RSBN1L: variants seen among roughly 807,000 people sequenced by gnomAD.
RSBN1L encodes round spermatid basic protein 1 like, also known as lysine-specific demethylase RSBN1L.
In RSBN1L, 30 loss-of-function variants were observed where a neutral mutation model predicts 67.7. That is an observed-to-expected ratio of 0.44 (90% CI 0.33 to 0.60). The LOEUF (loss-of-function observed/expected upper bound fraction) is 0.60, where lower values mean the gene tolerates loss of function less well. Ranked by LOEUF, RSBN1L falls within the 20% of genes least tolerant of loss-of-function variation. The pLI, the probability that RSBN1L is intolerant of heterozygous loss-of-function variation, is 0.02. For synonymous variants in RSBN1L, 433 were observed against 387.0 expected, an observed-to-expected ratio of 1.12 and a Z score of -1.39; for missense variants, 992 against 1,031.7, an observed-to-expected ratio of 0.96 and a Z score of 0.53.
Position 77,765,485 on chromosome 7 carries a change from G to GTTTCT in RSBN1L, c.1345-8_1345-4dup. 1 of 1,521,132 alleles carries GTTTCT rather than the reference G, an allele frequency of 6.6e-7. No individual in the cohort carries two copies. The highest frequency in any genetic ancestry group is 8.9e-7 in the Non-Finnish European group (1 of 1,129,156). The allele number at this position is 1,521,132 out of a possible 1,614,324, so 94.2% of individuals were successfully genotyped here. ...GTATTTAACTTTTAATTAAATCCAT[G>GTTTCT]TTTCTTCAGGTAAAAAGAACGTATT... On this transcript the variant is annotated splice_polypyrimidine_tract_variant and intron_variant, in intron 3 of 7. Coordinates refer to ENST00000334955, the MANE Select transcript of RSBN1L (RefSeq NM_198467.3).
Position 77,749,620 on chromosome 7 carries a change from A to G in RSBN1L, c.900A>G (p.Ile300Met), listed in dbSNP as rs1323812082. Residue 300 changes from isoleucine (I) to methionine (M), a missense_variant, in exon 3 of 8, where the codon ATA (isoleucine) becomes ATG (methionine). By Grantham distance (10) the Ile-to-Met change is conservative. Around this residue, in one of 7 missense-constraint regions of RSBN1L, gnomAD observed 575 missense variants for 483.2 expected, o/e 1.19. Coordinates refer to ENST00000334955, the MANE Select transcript of RSBN1L (RefSeq NM_198467.3). ...CCAAAGGCATCCTAAATGATAACAT[A>G]AAAGATTACGTTGGGAAGAATTTGG... ...QAAKGILNDN[I>M]KDYVGKNLDT... 1 of 1,614,072 alleles carries G rather than the reference A, an allele frequency of 6.2e-7. No homozygotes were observed. Among genetic ancestry groups the G allele is most frequent in the South Asian group, 1.1e-5 (1 of 91,050 alleles).
At chr7:77,700,360 G>T (rs2150410657) in intron 1 of RSBN1L, among the ~76,000 whole-genome samples, 1 of 152,264 alleles carries the variant, frequency 6.6e-6, no homozygotes, top group East Asian at 1.9e-4. Context: ...ACTTTTGTTA[G>T]TACTTTTGCT....
At chr7:77,701,753 G>A (rs971260658) in intron 1 of RSBN1L, among the ~76,000 whole-genome samples, 2 of 151,006 alleles carry the variant, frequency 1.3e-5, no homozygotes, top group African/African-American at 2.4e-5. Flanking sequence ...CTGGGTTCAA[G>A]CAATTCTCCT....
At chr7:77,769,978 C>T (rs1203563695) in intron 5 of RSBN1L, among the ~76,000 whole-genome samples, 1 of 152,136 alleles carries the variant, frequency 6.6e-6, no homozygotes, top group Admixed American at 6.5e-5. Context: ...GGAATAAAAA[C>T]ACGAAAGGTA....
At chr7:77,739,710 GGA>G (rs1791382513) in intron 2 of RSBN1L, among the ~76,000 whole-genome samples, 1 of 45,332 alleles carries the variant, frequency 2.2e-5, no homozygotes, top group Admixed American at 2.5e-4. Flanking sequence ...CTTGGTCTCA[GGA>G]AAAAAAAAAA....
intron 1 of RSBN1L, among the ~76,000 whole-genome samples, chr7:77,735,064 A>C (rs1157700938): frequency 6.6e-6 from 1 of 151,948 alleles, no homozygotes; most frequent in Non-Finnish European, 1.5e-5. Context: ...GAAAAAAAAA[A>C]ACAAAAAACA....
chr7:77,722,404 T>C (rs1032785785), intron 1 of RSBN1L, among the ~76,000 whole-genome samples: 3 of 152,102 alleles, frequency 2.0e-5, no homozygotes, highest in Non-Finnish European at 4.4e-5. Context: ...GGTAGGATAG[T>C]ACAGTTTCAG....
At chr7:77,749,022 G>A (rs372843603) in intron 2 of RSBN1L, among the ~76,000 whole-genome samples, 3 of 152,102 alleles carry the variant, frequency 2.0e-5, no homozygotes, top group South Asian at 2.1e-4. Context: ...TCGGGAGGCC[G>A]AAGCGGGCAG....
At chr7:77,760,630 T>A (rs1405637361) in intron 3 of RSBN1L, among the ~76,000 whole-genome samples, 1 of 152,212 alleles carries the variant, frequency 6.6e-6, no homozygotes, top group Non-Finnish European at 1.5e-5. Context: ...TATTATTTTT[T>A]ATTTAGTTAA....
intron 1 of RSBN1L, among the ~76,000 whole-genome samples, chr7:77,727,547 C>T (rs1791222696): frequency 6.6e-6 from 1 of 151,782 alleles, no homozygotes; most frequent in Non-Finnish European, 1.5e-5. Context: ...CGCTTGTCAC[C>T]CAGGTTAGAA....
Position 77,773,221 on chromosome 7 carries a change from G to A in RSBN1L, c.1700G>A (p.Arg567Lys). ...SEPREMLFED[R>K]TRAHADHIGQ... is the part of the protein sequence containing the mutation. ...CCCCGTGAGATGCTCTTTGAAGACA[G>A]GACAAGAGCTCATGCAGATCATATA... Residue 567 changes from arginine to lysine, a missense_variant, in exon 6 of 8, where the codon AGG (arginine) becomes AAG (lysine). Arg to Lys is a conservative substitution (Grantham distance 26). Coordinates refer to ENST00000334955, the MANE Select transcript of RSBN1L (RefSeq NM_198467.3). 1 of 1,612,660 alleles carries A rather than the reference G, an allele frequency of 6.2e-7. No homozygotes were observed. Among genetic ancestry groups the A allele is most frequent in the South Asian group, 1.1e-5 (1 of 90,978 alleles).
chr7:77,749,498 C>A lies in RSBN1L; in HGVS notation c.778C>A (p.His260Asn). The A allele has an allele frequency of 6.2e-7, 1 of 1,601,546 alleles. No individual in the cohort carries two copies. Among genetic ancestry groups the A allele is most frequent in the Non-Finnish European group, 8.5e-7 (1 of 1,176,048 alleles). The change falls in exon 3 of 8, where the codon CAC becomes AAC. Residue 260 changes from histidine to asparagine, a missense_variant. His to Asn is a moderately conservative substitution (Grantham distance 68). Around this residue, in one of 7 missense-constraint regions of RSBN1L, gnomAD observed 575 missense variants for 483.2 expected, o/e 1.19. Coordinates refer to ENST00000334955, the MANE Select transcript of RSBN1L (RefSeq NM_198467.3). ...KKVKKKKKKK[H>N]KENEKRKRPK... is the part of the protein sequence containing the mutation. ...GGTAAAGAAGAAAAAGAAAAAGAAA[C>A]ACAAAGAGAATGAAAAACGGAAGCG...
At chr7:77,720,893 A>AT (rs1791110587) in intron 1 of RSBN1L, among the ~76,000 whole-genome samples, 2 of 150,898 alleles carry the variant, frequency 1.3e-5, no homozygotes, top group African/African-American at 4.9e-5. Context: ...AGTAGCTGGA[A>AT]TTACAGGCGT....
chr7:77,758,402 A>T (rs531190628), intron 3 of RSBN1L, among the ~76,000 whole-genome samples: 1 of 152,214 alleles, frequency 6.6e-6, no homozygotes, highest in Non-Finnish European at 1.5e-5. Flanking sequence ...GGTACATAAG[A>T]TGTCTTGATA....
intron 1 of RSBN1L, among the ~76,000 whole-genome samples, chr7:77,728,863 T>C (rs751083225): frequency 4.6e-5 from 7 of 152,214 alleles, no homozygotes; most frequent in Non-Finnish European, 8.8e-5. Flanking sequence ...TAAATTTCCC[T>C]GTGACCCTGG....
intron 2 of RSBN1L, among the ~76,000 whole-genome samples, chr7:77,740,985 C>CTTTTTTT (rs869081974): frequency 1.2e-4 from 12 of 102,940 alleles, no homozygotes; most frequent in Non-Finnish European, 1.5e-4. Flanking sequence ...CTTTTCTTTT[C>CTTTTTTT]TTTTTTTTTT....
At chr7:77,767,860 C>T (rs1429148715) in intron 4 of RSBN1L, among the ~76,000 whole-genome samples, 1 of 91,988 alleles carries the variant, frequency 1.1e-5, no homozygotes, top group Non-Finnish European at 2.3e-5. Flanking sequence ...CCCCCTCCCT[C>T]TCCTTTCATT....
intron 1 of RSBN1L, among the ~76,000 whole-genome samples, chr7:77,718,056 T>C (rs1791071082): frequency 6.6e-6 from 1 of 151,940 alleles, no homozygotes; most frequent in South Asian, 2.1e-4. Context: ...AGAGGAGATA[T>C]TTGAGAGAAA....
Position 77,778,756 on chromosome 7 carries a change from C to T in RSBN1L, c.2129C>T (p.Thr710Ile), listed in dbSNP as rs763969898. ...AATACAGCTACTCATGAAACAGGCA[C>T]ATCATCAGATTCCACATCATCTGTT... ...SQNTATHETG[T>I]SSDSTSSVLG... The change falls in exon 8 of 8, where the codon ACA becomes ATA. Residue 710 changes from threonine (T) to isoleucine (I), a missense_variant. Coordinates refer to ENST00000334955, the MANE Select transcript of RSBN1L (RefSeq NM_198467.3). The T allele has an allele frequency of 3.1e-6, 5 of 1,614,036 alleles. No individual in the cohort carries two copies. In the African/African-American group the frequency reaches 5.3e-5, roughly 17 times the overall value.
Sources: allele counts gnomAD v4.1 joint callset (sites outside exome capture counted in the v4.1 genomes callset), GRCh38; gene constraint gnomAD v4.1.1; regional missense constraint gnomAD v4.1.1; transcripts MANE v1.5; gene names NCBI Gene and HGNC (gene_info 2026-07-23, HGNC 2026-07-21).